CHD9: variants seen among roughly 807,000 people sequenced by gnomAD.
CHD9 encodes chromodomain helicase DNA binding protein 9, also known as ATP-dependent chromatin remodeler CHD9.
A neutral mutation model predicts 316.1 loss-of-function variants in CHD9; 77 were observed. That is an observed-to-expected ratio of 0.24 (90% CI 0.20 to 0.29). The LOEUF is 0.29. CHD9 is among the 10% of genes least tolerant of loss of function. CHD9 has a pLI of 1.00. For synonymous variants in CHD9, 1,129 were observed against 1,158.3 expected (o/e 0.97, Z 0.51); for missense variants, 2,763 against 3,438.1 (o/e 0.80, Z 4.91).
chr16:53,125,218 ATTTTTTTTTTTT>A (rs34096444), intron 1 of CHD9, among the ~76,000 whole-genome samples: 25 of 95,762 alleles, frequency 2.6e-4, no homozygotes, highest in Non-Finnish European at 4.0e-4. Flanking sequence ...TCAAGTTAGG[ATTTTTTTTTTTT>A]TTTTTTTTTT....
At chr16:53,234,210 C>T (rs2048421990) in intron 10 of CHD9, among the ~76,000 whole-genome samples, 1 of 152,110 alleles carries the variant, frequency 6.6e-6, no homozygotes, top group African/African-American at 2.4e-5. Flanking sequence ...ATTATGCAAC[C>T]TCGCTAAAAT....
chr16:53,173,446 A>T (rs538187870), intron 2 of CHD9, among the ~76,000 whole-genome samples: 1 of 152,058 alleles, frequency 6.6e-6, no homozygotes, highest in Admixed American at 6.6e-5. Context: ...TACCAGTTTT[A>T]TGGAATTTCA....
At chr16:53,179,023 T>C (rs970769199) in intron 2 of CHD9, among the ~76,000 whole-genome samples, 4 of 149,738 alleles carry the variant, frequency 2.7e-5, no homozygotes, top group Non-Finnish European at 4.5e-5. Flanking sequence ...ACCCTGTTTC[T>C]AAAAAAAAAA....
rs373369750 is a variant in CHD9 at position 53,248,705 on chromosome 16, A to G, written c.3666-1166A>G. The stretch of plus-strand genomic sequence containing the variant: ...CACACCCAGCTAATTTATTTTGGGT[A>G]GAGACAGGGTCTCACTGTGTTGCCC... On this transcript the variant is annotated intron_variant, in intron 16 of 38. Coordinates refer to ENST00000447540, the MANE Select transcript of CHD9 (RefSeq NM_001308319.2). 1.3e-4 allele frequency among the ~76,000 whole-genome samples: 19 copies of G among 151,522 alleles called. No homozygotes were observed. The South Asian group carries it at 1.7e-3, about 13-fold the overall frequency.
At chr16:53,100,407 C>T (rs1355611703) in intron 1 of CHD9, among the ~76,000 whole-genome samples, 5 of 148,954 alleles carry the variant, frequency 3.4e-5, no homozygotes, top group African/African-American at 9.7e-5. Flanking sequence ...CTGAAAATCA[C>T]TGTTCCTTTT....
At chr16:53,090,673 C>G (rs2035856123) in intron 1 of CHD9, among the ~76,000 whole-genome samples, 1 of 152,158 alleles carries the variant, frequency 6.6e-6, no homozygotes, top group Admixed American at 6.5e-5. Flanking sequence ...TCCTGCCGGG[C>G]TTGTGTATCG....
chr16:53,216,047 T>C (rs1298124475), intron 3 of CHD9, among the ~76,000 whole-genome samples: 1 of 152,222 alleles, frequency 6.6e-6, no homozygotes, highest in African/African-American at 2.4e-5. Context: ...TTTAATGTTT[T>C]CAAGACCAAA....
chr16:53,291,047 A>G (rs185544746), intron 27 of CHD9, among the ~76,000 whole-genome samples: 11 of 152,324 alleles, frequency 7.2e-5, no homozygotes, highest in Admixed American at 3.3e-4. Flanking sequence ...GGCAGGATAA[A>G]TAAAACTAAG....
chr16:53,100,327 G>T (rs912763139), intron 1 of CHD9, among the ~76,000 whole-genome samples: 3 of 152,120 alleles, frequency 2.0e-5, no homozygotes, highest in Admixed American at 2.0e-4. Flanking sequence ...AGGAGAATAG[G>T]GCTGCTATGG....
At chr16:53,296,101 C>T (rs1409732849) in intron 29 of CHD9, among the ~76,000 whole-genome samples, 1 of 152,178 alleles carries the variant, frequency 6.6e-6, no homozygotes, top group African/African-American at 2.4e-5. Flanking sequence ...ACCTTAGCCT[C>T]GTCCCATCTG....
At chr16:53,234,308 T>C (rs908621069) in intron 10 of CHD9, among the ~76,000 whole-genome samples, 2 of 152,166 alleles carry the variant, frequency 1.3e-5, no homozygotes, top group African/African-American at 4.8e-5. Flanking sequence ...AAAGACAGTT[T>C]GTTATTCTTT....
chr16:53,094,624 G>T (rs1361253957), intron 1 of CHD9, among the ~76,000 whole-genome samples: 1 of 150,882 alleles, frequency 6.6e-6, no homozygotes, highest in Non-Finnish European at 1.5e-5. Flanking sequence ...CCAAGAGCAG[G>T]CTTTTGTTTA....
intron 2 of CHD9, among the ~76,000 whole-genome samples, chr16:53,178,898 A>G (rs2043280115): frequency 6.6e-6 from 1 of 152,222 alleles, no homozygotes; most frequent in African/African-American, 2.4e-5. Flanking sequence ...CTGTAGTCCC[A>G]GTTACTTGAG....
At chr16:53,108,778 G>A (rs1219745071) in intron 1 of CHD9, among the ~76,000 whole-genome samples, 1 of 152,036 alleles carries the variant, frequency 6.6e-6, no homozygotes, top group African/African-American at 2.4e-5. Flanking sequence ...GGGAAGCTGA[G>A]GCAGGAGAAT....
intron 1 of CHD9, among the ~76,000 whole-genome samples, chr16:53,140,965 G>A (rs1246390967): frequency 6.6e-6 from 1 of 152,216 alleles, no homozygotes; most frequent in Non-Finnish European, 1.5e-5. Context: ...TGCAGAGGGA[G>A]ATGTTAATAA....
intron 1 of CHD9, among the ~76,000 whole-genome samples, chr16:53,085,228 C>CT (rs888297957): frequency 2.0e-5 from 3 of 149,130 alleles, no homozygotes; most frequent in Non-Finnish European, 4.5e-5. Flanking sequence ...CTTTGATCAT[C>CT]TTTTTTTTTT....
chr16:53,288,834 C>T (rs556517697), intron 27 of CHD9, among the ~76,000 whole-genome samples: 1 of 151,736 alleles, frequency 6.6e-6, no homozygotes, highest in Non-Finnish European at 1.5e-5. Flanking sequence ...CTCTTGAGTT[C>T]GTGATTTGTC....
At chr16:53,188,996 A>G (rs1032360641) in intron 2 of CHD9, among the ~76,000 whole-genome samples, 1 of 151,824 alleles carries the variant, frequency 6.6e-6, no homozygotes, top group African/African-American at 2.4e-5. Context: ...TTAGATACAA[A>G]TCTCTTATCA....
chr16:53,273,984 G>T (rs1430250340), intron 23 of CHD9, among the ~76,000 whole-genome samples, 199 bp downstream of exon 23: 2 of 152,034 alleles, frequency 1.3e-5, no homozygotes, highest in Non-Finnish European at 2.9e-5. Flanking sequence ...AGTAAAACTG[G>T]CCTCCAAATG....
Sources: gnomAD v4.1 joint callset for allele counts (sites outside exome capture counted in the v4.1 genomes callset) on GRCh38, gnomAD v4.1.1 for gene constraint, MANE v1.5 for transcripts, NCBI Gene and HGNC (gene_info 2026-07-23, HGNC 2026-07-21) for gene names.